The following TYR variants were observed in gnomAD, a reference collection of about 807,000 sequenced individuals.
TYR encodes the protein LB24-AB.
TYR carries 58 observed loss-of-function variants against 51.5 expected under a neutral mutation model. That is an observed-to-expected ratio of 1.13 (90% CI 0.91 to 1.40). The LOEUF is 1.40. Among genes scored for constraint, TYR ranks in the 40% most tolerant of loss-of-function variants. The probability of loss-of-function intolerance (pLI) is 0.00; values close to 1 mark genes in which losing one functional copy is unlikely to be tolerated. For synonymous variants in TYR, 263 were observed against 235.2 expected (o/e 1.12, Z -1.08); for missense variants, 732 against 647.4 (o/e 1.13, Z -1.42).
At chr11:89,228,985 C>T (rs1456950033) in intron 3 of TYR, among the ~76,000 whole-genome samples, 1 of 151,754 alleles carries the variant, frequency 6.6e-6, no homozygotes, top group East Asian at 1.9e-4. Context: ...ATAAAGGGCA[C>T]AGATTTATAC....
intron 2 of TYR, among the ~76,000 whole-genome samples, chr11:89,219,126 T>C (rs1943873863): frequency 6.6e-6 from 1 of 152,174 alleles, no homozygotes; most frequent in South Asian, 2.1e-4. Context: ...AAAGTTACTG[T>C]CTTGCATGCT....
chr11:89,275,461 A>T (rs1398272079), intron 3 of TYR, among the ~76,000 whole-genome samples: 3 of 151,946 alleles, frequency 2.0e-5, no homozygotes, highest in Non-Finnish European at 4.4e-5. Context: ...GGAACCCCAG[A>T]TCTTCTACTG....
At chr11:89,254,312 G>A (rs531275859) in intron 3 of TYR, among the ~76,000 whole-genome samples, 25 of 151,588 alleles carry the variant, frequency 1.6e-4, no homozygotes, top group Middle Eastern at 6.8e-3. Context: ...GTTCTTTTCC[G>A]GTTTTGGTGT....
chr11:89,181,530 T>C (rs929066815), intron 1 of TYR, among the ~76,000 whole-genome samples: 2 of 152,226 alleles, frequency 1.3e-5, no homozygotes, highest in East Asian at 1.9e-4. Context: ...TGAGATCAAA[T>C]AGTTTCTAGA....
intron 3 of TYR, among the ~76,000 whole-genome samples, chr11:89,276,311 C>A (rs1944653918): frequency 6.6e-6 from 1 of 151,794 alleles, no homozygotes; most frequent in African/African-American, 2.4e-5. Flanking sequence ...ACCCAGTTGA[C>A]AAATTCTCCT....
chr11:89,266,925 G>C (rs1236060223), intron 3 of TYR, among the ~76,000 whole-genome samples: 1 of 151,912 alleles, frequency 6.6e-6, no homozygotes, highest in Non-Finnish European at 1.5e-5. Flanking sequence ...ACAAGTGTTA[G>C]AGTTTGTGTC....
chr11:89,275,713 A>G (rs946856246), intron 3 of TYR, among the ~76,000 whole-genome samples: 2 of 151,876 alleles, frequency 1.3e-5, no homozygotes, highest in African/African-American at 4.8e-5. Context: ...GTACAGAAAA[A>G]GAAAAATAAC....
At chr11:89,284,062 C>T (rs577471498) in intron 3 of TYR, 27 of 151,932 alleles carry the variant, frequency 1.8e-4, no homozygotes, top group African/African-American at 5.5e-4. Context: ...CTTTGCTGCC[C>T]CTGAAAACTA....
chr11:89,295,592 T>C lies in TYR; in HGVS notation c.*226T>C, dbSNP rs1944899452. On this transcript the variant is annotated 3_prime_UTR_variant, in exon 5 of 5. Transcript: ENST00000263321. ...ACATTTTCCCCTAAGCCCATATGTCTAAGGAAAGGATGCTATTTGGTAATG... is the reference window on the plus strand; with the variant it reads ...ACATTTTCCCCTAAGCCCATATGTCCAAGGAAAGGATGCTATTTGGTAATG... The C allele has an allele frequency of 1.8e-6, 1 of 547,328 alleles. No individual in the cohort carries two copies. The highest frequency in any genetic ancestry group is 3.3e-6 in the Non-Finnish European group (1 of 307,216). 33.9% of individuals were successfully genotyped at this position (547,328 alleles called of 1,614,324 possible).
intron 3 of TYR, among the ~76,000 whole-genome samples, chr11:89,282,297 T>C (rs568635389): frequency 2.0e-4 from 31 of 151,824 alleles, no homozygotes; most frequent in Non-Finnish European, 3.8e-4. Context: ...TATCAGGCTG[T>C]TCCCAAATCA....
chr11:89,243,968 G>T (rs1272402943), intron 3 of TYR, among the ~76,000 whole-genome samples: 1 of 152,076 alleles, frequency 6.6e-6, no homozygotes, highest in Non-Finnish European at 1.5e-5. Flanking sequence ...ATTAATAGAG[G>T]TGAGAAGGGT....
chr11:89,205,841 T>C (rs190071868), intron 2 of TYR, among the ~76,000 whole-genome samples: 1 of 152,232 alleles, frequency 6.6e-6, no homozygotes, highest in East Asian at 1.9e-4. Context: ...TAAATTGTGA[T>C]TTAATGGTTG....
chr11:89,270,694 A>T (rs574891054), intron 3 of TYR, among the ~76,000 whole-genome samples: 26 of 152,066 alleles, frequency 1.7e-4, no homozygotes, highest in Non-Finnish European at 3.5e-4. Context: ...AATTTAAAAA[A>T]TTTAATCTTA....
intron 3 of TYR, among the ~76,000 whole-genome samples, chr11:89,264,409 G>C (rs1944499887): frequency 6.6e-6 from 1 of 151,754 alleles, no homozygotes; most frequent in African/African-American, 2.4e-5. Flanking sequence ...AGGGGTACAT[G>C]TGCAGGTTGA....
intron 3 of TYR, among the ~76,000 whole-genome samples, chr11:89,269,912 GT>G (rs1214886359): frequency 1.3e-5 from 2 of 151,858 alleles, no homozygotes; most frequent in East Asian, 3.9e-4. Context: ...GATGCTCCAA[GT>G]TTTTCCCAGT....
chr11:89,186,851 G>A (rs569686977), intron 1 of TYR, among the ~76,000 whole-genome samples: 1 of 152,236 alleles, frequency 6.6e-6, no homozygotes, highest in African/African-American at 2.4e-5. Context: ...CAGTACTGAT[G>A]TCCTCATAAG....
intron 2 of TYR, among the ~76,000 whole-genome samples, chr11:89,192,650 C>A (rs768208220): frequency 6.6e-6 from 1 of 152,082 alleles, no homozygotes; most frequent in Non-Finnish European, 1.5e-5. Context: ...AGGCAAGTCT[C>A]ATCCTAAAGA....
chr11:89,224,124 T>C (rs1436846943), intron 2 of TYR, among the ~76,000 whole-genome samples: 1 of 152,058 alleles, frequency 6.6e-6, no homozygotes, highest in African/African-American at 2.4e-5. Flanking sequence ...AGGAGGGAGA[T>C]GCGTGATGCT....
chr11:89,287,158 G>C (rs1944798567), intron 4 of TYR, among the ~76,000 whole-genome samples: 1 of 151,658 alleles, frequency 6.6e-6, no homozygotes, highest in African/African-American at 2.4e-5. Context: ...AAACCCCCAA[G>C]ATCAGAATTT....
Sources: allele counts gnomAD v4.1 joint callset (sites outside exome capture counted in the v4.1 genomes callset), GRCh38; gene constraint gnomAD v4.1.1; transcripts MANE v1.5; gene names NCBI Gene and HGNC (gene_info 2026-07-23, HGNC 2026-07-21).